CFAP61: variants seen among roughly 807,000 people sequenced by gnomAD.
CFAP61 encodes the protein cilia and flagella associated protein 61.
In CFAP61, 107 loss-of-function variants were observed where a neutral mutation model predicts 135.6. The ratio of observed to expected loss-of-function variants is 0.79; its 90% CI spans 0.67 to 0.93. CFAP61 has a LOEUF of 0.93. Ranked by LOEUF, CFAP61 falls within the 40% of genes least tolerant of loss-of-function variation. The pLI is 0.00. For missense variants in CFAP61, 1,507 were observed against 1,556.2 expected, an observed-to-expected ratio of 0.97 and a Z score of 0.53; for synonymous variants, 575 against 578.5, an observed-to-expected ratio of 0.99 and a Z score of 0.09.
intron 2 of CFAP61, among the ~76,000 whole-genome samples, chr20:20,066,551 A>G (rs1426047482): frequency 6.6e-6 from 1 of 152,216 alleles, no homozygotes; most frequent in Non-Finnish European, 1.5e-5. Context: ...GCTGGAAACC[A>G]TCATTCTCAG....
At position 20,246,190 on chromosome 20, in the gene CFAP61, GA is replaced by G; in HGVS notation, c.2136del (p.Glu712AspfsTer6). The G allele has an allele frequency of 6.2e-7, 1 of 1,612,932 alleles. No individual in the cohort carries two copies. Among genetic ancestry groups the G allele is most frequent in the Non-Finnish European group, 8.5e-7 (1 of 1,178,960 alleles). On this transcript the variant is annotated frameshift_variant, in exon 19 of 27. Coordinates refer to ENST00000245957, the MANE Select transcript of CFAP61 (RefSeq NM_015585.4). LOFTEE classifies it high-confidence loss of function. ...GLPGKKLLDT[E>X]QRKFLASDHC... ...CCCAGGAAAAAAACTTCTGGACACT[GA>G]ACAAAGGAAATTTTTAGCCAGCGAG...
rs113356201 is a variant in CFAP61, at chr20:20,338,414, CT to C, written c.3423-3409del. On this transcript the variant is annotated intron_variant, in intron 25 of 26. Coordinates refer to ENST00000245957, the MANE Select transcript of CFAP61 (RefSeq NM_015585.4). ...CTGTGAACAGCTCTAAAAGTAGACA[CT>C]TTTTTTTCATGCCAAGAGAAAACTA... 1.3e-3 allele frequency among the ~76,000 whole-genome samples: 196 copies of C among 152,230 alleles called. 1 individual carries two copies. The highest frequency in any genetic ancestry group is 4.2e-3 in the African/African-American group (174 of 41,534).
intron 25 of CFAP61, among the ~76,000 whole-genome samples, chr20:20,312,653 T>C (rs556851797): frequency 6.6e-6 from 1 of 152,096 alleles, no homozygotes; most frequent in East Asian, 1.9e-4. Context: ...CATATCATAA[T>C]CAAACTACTC....
chr20:20,333,768 G>A (rs992555741), intron 25 of CFAP61, among the ~76,000 whole-genome samples: 1 of 152,220 alleles, frequency 6.6e-6, no homozygotes, highest in Non-Finnish European at 1.5e-5. Context: ...AAGGGTGGCA[G>A]GGAATTTCTG....
At chr20:20,339,499 G>C (rs1269126968) in intron 25 of CFAP61, among the ~76,000 whole-genome samples, 1 of 151,964 alleles carries the variant, frequency 6.6e-6, no homozygotes, top group Non-Finnish European at 1.5e-5. Context: ...CTGTCACCTA[G>C]GCTGGAGTGC....
At chr20:20,269,119 A>C (rs1482239464) in intron 21 of CFAP61, among the ~76,000 whole-genome samples, 1 of 46,692 alleles carries the variant, frequency 2.1e-5, no homozygotes, top group Non-Finnish European at 4.5e-5. Context: ...TTCGTGGGCT[A>C]TATATATATA....
At chr20:20,324,371 A>T (rs969798011) in intron 25 of CFAP61, among the ~76,000 whole-genome samples, 1 of 151,986 alleles carries the variant, frequency 6.6e-6, no homozygotes, top group Non-Finnish European at 1.5e-5. Flanking sequence ...TACTGTACCT[A>T]TTTCCTTCTA....
At chr20:20,233,097 G>A (rs1268736838) in intron 18 of CFAP61, among the ~76,000 whole-genome samples, 1 of 152,196 alleles carries the variant, frequency 6.6e-6, no homozygotes, top group Non-Finnish European at 1.5e-5. Context: ...AGCTGCAATT[G>A]TGGCAATGAC....
intron 25 of CFAP61, among the ~76,000 whole-genome samples, chr20:20,310,870 C>G (rs780761144): frequency 2.6e-5 from 4 of 152,228 alleles, no homozygotes; most frequent in Admixed American, 1.3e-4. Flanking sequence ...GCAGTGGAAG[C>G]ACCTCCTCAG....
intron 25 of CFAP61, among the ~76,000 whole-genome samples, chr20:20,315,598 A>T (rs1223831926): frequency 0.037 from 5,564 of 151,518 alleles, 352 homozygotes; most frequent in African/African-American, 0.13. Flanking sequence ...TGTTTTAGAC[A>T]TGAAGTCCTT....
At chr20:20,301,292 C>G (rs1412716115) in intron 25 of CFAP61, among the ~76,000 whole-genome samples, 1 of 152,116 alleles carries the variant, frequency 6.6e-6, no homozygotes, top group Non-Finnish European at 1.5e-5. Context: ...CAATTGCCTA[C>G]AGTATTCAGT....
chr20:20,196,402 A>G (rs2056291938), intron 15 of CFAP61, among the ~76,000 whole-genome samples, 168 bp from the exon 16 acceptor site: 1 of 152,202 alleles, frequency 6.6e-6, no homozygotes, highest in Non-Finnish European at 1.5e-5. Context: ...CAGGAAACGT[A>G]ATTTCTAATT....
At chr20:20,113,839 C>A (rs2048955745) in intron 8 of CFAP61, among the ~76,000 whole-genome samples, 1 of 152,010 alleles carries the variant, frequency 6.6e-6, no homozygotes, top group Non-Finnish European at 1.5e-5. Context: ...GTCAACAATA[C>A]ACTGTCTTAA....
intron 25 of CFAP61, chr20:20,323,101 G>A: frequency 1.0e-6 from 1 of 985,416 alleles, no homozygotes; most frequent in Non-Finnish European, 1.2e-6. Flanking sequence ...ATACCTGTGA[G>A]CTACTCTGCC....
chr20:20,296,559 T>C (rs1454848431), intron 24 of CFAP61, among the ~76,000 whole-genome samples: 3 of 151,704 alleles, frequency 2.0e-5, no homozygotes, highest in African/African-American at 7.3e-5. Context: ...AAAAATCTAG[T>C]TCCTTGCCAT....
At chr20:20,230,257 A>G (rs2049029584) in intron 18 of CFAP61, among the ~76,000 whole-genome samples, 1 of 152,246 alleles carries the variant, frequency 6.6e-6, no homozygotes, top group South Asian at 2.1e-4. Flanking sequence ...TATCATCATT[A>G]CACAGATTAC....
intron 25 of CFAP61, among the ~76,000 whole-genome samples, chr20:20,326,237 A>T (rs933268481): frequency 1.3e-5 from 2 of 152,170 alleles, no homozygotes; most frequent in African/African-American, 4.8e-5. Context: ...TTTATTGGAT[A>T]TGTGTTTTGC....
chr20:20,201,390 TC>T (rs971314247), intron 17 of CFAP61, among the ~76,000 whole-genome samples: 10 of 152,156 alleles, frequency 6.6e-5, no homozygotes, highest in Admixed American at 6.5e-4. Flanking sequence ...CCCCACCACT[TC>T]CCCTTTCTCC....
intron 13 of CFAP61, among the ~76,000 whole-genome samples, chr20:20,184,124 A>G (rs551929351): frequency 7.9e-5 from 12 of 152,368 alleles, no homozygotes; most frequent in Admixed American, 3.9e-4. Flanking sequence ...AGAGTGGACC[A>G]TGATATGGTC....
Sources: gnomAD v4.1 joint callset for allele counts (sites outside exome capture counted in the v4.1 genomes callset) on GRCh38, gnomAD v4.1.1 for gene constraint, MANE v1.5 for transcripts, NCBI Gene and HGNC (gene_info 2026-07-23, HGNC 2026-07-21) for gene names.